RAI1: variants seen among roughly 807,000 people sequenced by gnomAD.
The protein encoded by RAI1 is retinoic acid induced 1.
Under a neutral mutation model 123.8 loss-of-function variants are expected in RAI1, and 9 were observed. That is an observed-to-expected ratio of 0.07 (90% CI 0.04 to 0.13). The LOEUF is 0.13. RAI1 is among the 10% of genes least tolerant of loss of function. The pLI is 1.00. For synonymous variants in RAI1, 1,231 were observed against 1,127.3 expected (o/e 1.09, Z -1.84); for missense variants, 2,256 against 2,545.8 (o/e 0.89, Z 2.45).
intron 2 of RAI1, among the ~76,000 whole-genome samples, chr17:17,747,402 G>A (rs1428046927): frequency 6.6e-6 from 1 of 152,224 alleles, no homozygotes; most frequent in Non-Finnish European, 1.5e-5. Flanking sequence ...GCCAGTCCCT[G>A]TTGCTGGAGG....
rs774532013 is a variant in RAI1, at chr17:17,797,915, C to G, written c.4967C>G (p.Ser1656Cys). 2.5e-6 allele frequency: 4 copies of G among 1,614,026 alleles called. No homozygotes were observed. Among genetic ancestry groups the G allele is most frequent in the Non-Finnish European group, 3.4e-6 (4 of 1,180,024 alleles). The change falls in exon 3 of 6, where the codon TCC (serine) becomes TGC (cysteine). Residue 1656 changes from serine (S) to cysteine (C), a missense_variant. Physicochemically the swap from Ser to Cys is moderately radical, Grantham distance 112. This residue lies in a region of RAI1 where 410 missense variants were observed against 374.6 expected (regional missense o/e 1.09). Coordinates refer to ENST00000353383, the MANE Select transcript of RAI1 (RefSeq NM_030665.4). ...GASLATLPGG[S>C]ILQPRPSLPL... ...TCCCTGGCCACACTCCCTGGAGGCT[C>G]CATCCTGCAGCCGCGGCCCTCCTTG... is the stretch of plus-strand genomic sequence containing the variant.
chr17:17,701,654 G>T (rs760076624), intron 1 of RAI1, among the ~76,000 whole-genome samples: 8 of 152,090 alleles, frequency 5.3e-5, no homozygotes, highest in African/African-American at 9.7e-5. Flanking sequence ...GAGTGCAGTG[G>T]TGCGATCATG....
intron 2 of RAI1, among the ~76,000 whole-genome samples, chr17:17,763,603 C>T (rs1390329768): frequency 1.3e-5 from 2 of 152,182 alleles, no homozygotes; most frequent in African/African-American, 4.8e-5. Context: ...GTGCTGGGCA[C>T]AGGTACGGGG....
intron 2 of RAI1, among the ~76,000 whole-genome samples, chr17:17,753,710 G>A (rs1323512196): frequency 6.6e-6 from 1 of 152,172 alleles, no homozygotes; most frequent in Non-Finnish European, 1.5e-5. Flanking sequence ...CAAACTGCCT[G>A]TGTGTGGTTT....
chr17:17,777,471 T>C (rs1702863448), intron 2 of RAI1: 1 of 152,090 alleles, frequency 6.6e-6, no homozygotes, highest in African/African-American at 2.4e-5. Flanking sequence ...TGTAAAACAG[T>C]GGTGATTGGA....
At chr17:17,700,997 G>T (rs1915204172) in intron 1 of RAI1, among the ~76,000 whole-genome samples, 1 of 152,178 alleles carries the variant, frequency 6.6e-6, no homozygotes, top group Non-Finnish European at 1.5e-5. Context: ...CCTCATCTCG[G>T]CCTTACTCCC....
chr17:17,684,680 ATATATATATATATATATATATATATATG>A (rs1277698761), intron 1 of RAI1: 3 of 43,988 alleles, frequency 6.8e-5, no homozygotes, highest in African/African-American at 1.6e-4. Flanking sequence ...GCATATATAT[ATATATATATATATATATATATATATATG>A]TATGTATGTA....
intron 2 of RAI1, among the ~76,000 whole-genome samples, chr17:17,772,654 C>T (rs2031200734): frequency 6.6e-6 from 1 of 152,206 alleles, no homozygotes; most frequent in African/African-American, 2.4e-5. Flanking sequence ...TCCTCTTTCC[C>T]TTGCTAACTC....
At chr17:17,748,927 T>C (rs2030038525) in intron 2 of RAI1, among the ~76,000 whole-genome samples, 1 of 152,140 alleles carries the variant, frequency 6.6e-6, no homozygotes, top group African/African-American at 2.4e-5. Context: ...TGTGCCCTTT[T>C]TGGCACCTGG....
intron 2 of RAI1, among the ~76,000 whole-genome samples, chr17:17,781,250 T>C (rs945797025): frequency 1.3e-5 from 2 of 152,182 alleles, no homozygotes; most frequent in Non-Finnish European, 2.9e-5. Context: ...CCGTCCTCTG[T>C]GCTGCAGCAG....
intron 1 of RAI1, among the ~76,000 whole-genome samples, chr17:17,720,426 C>T (rs960311059): frequency 4.6e-5 from 7 of 152,140 alleles, no homozygotes; most frequent in African/African-American, 7.2e-5. Context: ...ACCTAGGGAG[C>T]AGGAAGCCTG....
Position 17,794,216 on chromosome 17 carries a change from C to T in RAI1, c.1268C>T (p.Pro423Leu). ...AAGCCCCTTCAGAAGGACAAGCTCC[C>T]TGAGAACCTGCTGTCGGATCTCAGC... ...NCKPLQKDKL[P>L]ENLLSDLSLQ... Residue 423 changes from proline to leucine, a missense_variant, in exon 3 of 6, where the codon CCT (proline) becomes CTT (leucine). Coordinates refer to ENST00000353383, the MANE Select transcript of RAI1 (RefSeq NM_030665.4). 5.0e-6 allele frequency: 8 copies of T among 1,613,538 alleles called. No homozygotes were observed. The highest frequency in any genetic ancestry group is 5.9e-6 in the Non-Finnish European group (7 of 1,180,048).
intron 2 of RAI1, among the ~76,000 whole-genome samples, chr17:17,768,425 AG>A (rs1446594798): frequency 7.9e-5 from 12 of 152,236 alleles, no homozygotes; most frequent in African/African-American, 2.9e-4. Flanking sequence ...GCAGACTGGC[AG>A]GGCACCCCAC....
chr17:17,790,954 G>A (rs753132839), intron 2 of RAI1, among the ~76,000 whole-genome samples: 1 of 152,232 alleles, frequency 6.6e-6, no homozygotes, highest in Non-Finnish European at 1.5e-5. Flanking sequence ...GGGTTGGCGC[G>A]TCGCAGCAGG....
rs565951835 is a variant in RAI1 at position 17,755,645 on chromosome 17, C to T, written c.-17+31486C>T. ...GTCAGTGTCCTAGCCAGCAGGGGTG[C>T]GTCCCCCCAGATCCTTCCCTGCTTA... On this transcript the variant is annotated intron_variant, in intron 2 of 5. Transcript: ENST00000353383. 9.2e-5 allele frequency among the ~76,000 whole-genome samples: 14 copies of T among 152,292 alleles called. No individual in the cohort carries two copies. The South Asian group carries it at 2.9e-3, about 32-fold the overall frequency.
At chr17:17,722,122 G>C (rs1170155520) in intron 1 of RAI1, among the ~76,000 whole-genome samples, 1 of 152,132 alleles carries the variant, frequency 6.6e-6, no homozygotes, top group Non-Finnish European at 1.5e-5. Context: ...AGGAGAATGA[G>C]ACAGACAGAC....
chr17:17,729,163 C>T (rs568623113), intron 2 of RAI1, among the ~76,000 whole-genome samples: 14 of 152,284 alleles, frequency 9.2e-5, no homozygotes, highest in South Asian at 2.1e-4. Flanking sequence ...ACAGGTGCCC[C>T]GTGAGGCTCA....
intron 2 of RAI1, among the ~76,000 whole-genome samples, chr17:17,743,448 C>T (rs1259626556): frequency 6.6e-6 from 1 of 152,252 alleles, no homozygotes; most frequent in Non-Finnish European, 1.5e-5. Flanking sequence ...GGCGCAGGAA[C>T]ACACGGTTCC....
intron 2 of RAI1, chr17:17,777,572 C>T (rs2031391683): frequency 6.7e-6 from 1 of 148,618 alleles, no homozygotes; most frequent in Non-Finnish European, 1.5e-5. Context: ...TACGAGTCTG[C>T]ATGAGTCTTG....
Sources: gnomAD v4.1 joint callset for allele counts (sites outside exome capture counted in the v4.1 genomes callset) on GRCh38, gnomAD v4.1.1 for gene constraint, gnomAD v4.1.1 regional missense constraint, MANE v1.5 for transcripts, NCBI Gene and HGNC (gene_info 2026-07-23, HGNC 2026-07-21) for gene names.